Variants in MTFR2 observed in about 807,000 individuals in gnomAD.
The protein encoded by MTFR2 is mitochondrial fission regulator 2, also known as DUF729 domain-containing protein 1.
MTFR2 carries 44 observed loss-of-function variants against 41.2 expected under a neutral mutation model. The observed-to-expected ratio is 1.07, with a 90% CI of 0.84 to 1.37. The LOEUF is 1.37. Ranked by LOEUF, MTFR2 falls within the 40% of genes most tolerant of loss-of-function variation. The probability of loss-of-function intolerance (pLI) is 0.00; values close to 1 mark genes in which losing one functional copy is unlikely to be tolerated. For synonymous variants in MTFR2, 141 were observed against 154.6 expected (o/e 0.91, Z 0.65); for missense variants, 452 against 459.5 (o/e 0.98, Z 0.15).
intron 2 of MTFR2, chr6:136,247,412 G>A (rs988240341): frequency 4.6e-6 from 2 of 432,554 alleles, no homozygotes; most frequent in African/African-American, 4.1e-5. Context: ...AGGCAGGACA[G>A]TCTCTCTCCT....
At chr6:136,239,927 G>C in intron 5 of MTFR2, 107 bp from the exon 6 acceptor site, 1 of 823,584 alleles carries the variant, frequency 1.2e-6, no homozygotes, top group Non-Finnish European at 1.9e-6. Flanking sequence ...TGTAATGCTA[G>C]TAGCGATATG....
intron 6 of MTFR2, among the ~76,000 whole-genome samples, chr6:136,236,733 A>G (rs749465267): frequency 2.0e-5 from 3 of 152,176 alleles, no homozygotes; most frequent in Admixed American, 1.3e-4. Context: ...GCAAGGATCA[A>G]ACTCACAACC....
chr6:136,236,605 A>G (rs764175336), intron 6 of MTFR2, among the ~76,000 whole-genome samples: 1 of 152,054 alleles, frequency 6.6e-6, no homozygotes, highest in African/African-American at 2.4e-5. Context: ...CCAAGCATGC[A>G]CCTACAGCCA....
At chr6:136,247,639 C>G (rs1583976570) in intron 2 of MTFR2, 3 of 432,548 alleles carry the variant, frequency 6.9e-6, no homozygotes, top group African/African-American at 2.1e-5. Flanking sequence ...CACAAGCAAA[C>G]TTTTCAAAAG....
intron 5 of MTFR2, among the ~76,000 whole-genome samples, chr6:136,240,941 A>C (rs1780047764): frequency 1.3e-5 from 2 of 152,242 alleles, no homozygotes; most frequent in Non-Finnish European, 2.9e-5. Context: ...AATACAAAAA[A>C]TTAGCCGAGC....
intron 2 of MTFR2, among the ~76,000 whole-genome samples, chr6:136,245,892 C>T (rs1030353888): frequency 3.3e-5 from 5 of 152,120 alleles, no homozygotes; most frequent in Non-Finnish European, 7.3e-5. Flanking sequence ...ATATAGGTTA[C>T]ACCTATAGAA....
intron 5 of MTFR2, among the ~76,000 whole-genome samples, chr6:136,240,866 C>A (rs545133823): frequency 1.3e-5 from 2 of 152,094 alleles, no homozygotes; most frequent in Admixed American, 1.3e-4. Context: ...CCAAGGCGGG[C>A]AGATCACGAG....
chr6:136,237,284 C>T (rs940162662), intron 6 of MTFR2, among the ~76,000 whole-genome samples: 1 of 152,186 alleles, frequency 6.6e-6, no homozygotes, highest in African/African-American at 2.4e-5. Flanking sequence ...ATGCGATCAG[C>T]TTTTCCTTGC....
At chr6:136,232,406 G>A (rs568594618) in intron 7 of MTFR2, among the ~76,000 whole-genome samples, 30 of 152,122 alleles carry the variant, frequency 2.0e-4, no homozygotes, top group Middle Eastern at 3.4e-3. Context: ...TTACAGATGC[G>A]TGCCACCACA....
intron 5 of MTFR2, among the ~76,000 whole-genome samples, chr6:136,240,915 C>T (rs540184242): frequency 1.1e-4 from 17 of 151,860 alleles, no homozygotes; most frequent in East Asian, 6.0e-4. Context: ...CACGGTGAAA[C>T]CCCGTCTCTA....
intron 5 of MTFR2, among the ~76,000 whole-genome samples, chr6:136,240,840 C>G (rs1037241435): frequency 6.6e-6 from 1 of 152,172 alleles, no homozygotes; most frequent in East Asian, 1.9e-4. Context: ...GCCTGTAATC[C>G]CAGCACTTTG....
chr6:136,244,639 A>G, intron 3 of MTFR2, 126 bp downstream of exon 3: 1 of 658,968 alleles, frequency 1.5e-6, no homozygotes, highest in Non-Finnish European at 2.6e-6. Context: ...CTTGTTCCCA[A>G]GGGTAAACTA....
chr6:136,243,548 C>T (rs923786067), intron 3 of MTFR2, among the ~76,000 whole-genome samples: 1 of 151,486 alleles, frequency 6.6e-6, no homozygotes, highest in Non-Finnish European at 1.5e-5. Flanking sequence ...CTCTACCAGA[C>T]CAAAAAAAAG....
In MTFR2 at chr6:136,242,974, C is replaced by T; in HGVS notation, c.169-1G>A. ...CTACAGAGTTCAAGAGCGGGATCAA[C>T]TAAAGTAAAAAAAGAAAAAAATAGT... On this transcript the variant is annotated splice_acceptor_variant, in intron 3 of 7. Coordinates refer to ENST00000420702, the MANE Select transcript of MTFR2 (RefSeq NM_001099286.3). LOFTEE classifies it high-confidence loss of function. The T allele has an allele frequency of 6.3e-7, 1 of 1,586,802 alleles. No individual in the cohort carries two copies. The highest frequency in any genetic ancestry group is 8.5e-7 in the Non-Finnish European group (1 of 1,171,612).
intron 2 of MTFR2, among the ~76,000 whole-genome samples, 160 bp from the exon 3 acceptor site, chr6:136,245,029 T>C (rs1043735793): frequency 4.6e-5 from 7 of 152,170 alleles, no homozygotes; most frequent in South Asian, 4.1e-4. Context: ...AAAAGAAATA[T>C]AGAATGGCAG....
chr6:136,244,995 C>A (rs1409600908), intron 2 of MTFR2, 126 bp from the exon 3 acceptor site: 20 of 594,920 alleles, frequency 3.4e-5, no homozygotes, highest in Non-Finnish European at 4.6e-5. Context: ...TACAGGGAGT[C>A]CTGTAAAATA....
At chr6:136,231,668 G>GT (rs1327573633) in intron 7 of MTFR2, among the ~76,000 whole-genome samples, 8 of 44,704 alleles carry the variant, frequency 1.8e-4, no homozygotes, top group Non-Finnish European at 1.5e-4. Context: ...TAAAAACTAT[G>GT]TAAAAAAAAA....
At chr6:136,245,839 G>A (rs1467079711) in intron 2 of MTFR2, among the ~76,000 whole-genome samples, 1 of 152,156 alleles carries the variant, frequency 6.6e-6, no homozygotes, top group Admixed American at 6.5e-5. Context: ...AAATTGCTAA[G>A]ATTATTTTAC....
intron 1 of MTFR2, among the ~76,000 whole-genome samples, 170 bp downstream of exon 1, chr6:136,249,806 G>C: frequency 6.6e-6 from 1 of 152,080 alleles, no homozygotes; most frequent in East Asian, 1.9e-4. Flanking sequence ...CAGCCATGTG[G>C]AATGCCCATC....
Sources: gnomAD v4.1 joint callset for allele counts (sites outside exome capture counted in the v4.1 genomes callset) on GRCh38, gnomAD v4.1.1 for gene constraint, MANE v1.5 for transcripts, NCBI Gene and HGNC (gene_info 2026-07-23, HGNC 2026-07-21) for gene names.